Variants in AFDN observed in about 807,000 individuals in gnomAD.
The protein encoded by AFDN is afadin, adherens junction formation factor.
A neutral mutation model predicts 216.6 loss-of-function variants in AFDN; 68 were observed. The ratio of observed to expected loss-of-function variants is 0.31; its 90% confidence interval spans 0.26 to 0.38. The LOEUF is 0.38. Ranked by LOEUF, AFDN falls within the 10% of genes least tolerant of loss-of-function variation. The pLI, the probability that AFDN is intolerant of heterozygous loss-of-function variation, is 1.00. For missense variants in AFDN, 2,136 were observed against 2,342.0 expected (o/e 0.91, Z 1.82); for synonymous variants, 868 against 853.7 (o/e 1.02, Z -0.29).
intron 10 of AFDN, among the ~76,000 whole-genome samples, chr6:167,897,519 A>G (rs963216161): frequency 2.6e-5 from 4 of 152,268 alleles, no homozygotes; most frequent in South Asian, 4.2e-4. Context: ...ATCATTTTCA[A>G]TTCTACCATT....
chr6:167,897,886 C>T (rs762574972), intron 10 of AFDN, among the ~76,000 whole-genome samples: 2 of 151,988 alleles, frequency 1.3e-5, no homozygotes. Flanking sequence ...CCTCATGATC[C>T]GCCCATCTCG....
intron 29 of AFDN, among the ~76,000 whole-genome samples, chr6:167,948,946 C>T (rs1166948252): frequency 6.6e-6 from 1 of 152,110 alleles, no homozygotes; most frequent in African/African-American, 2.4e-5. Flanking sequence ...CACGGAAGGG[C>T]CTTCCAGGAG....
At chr6:167,969,670 A>G (rs1234848336) in intron 33 of AFDN, 112 bp from the exon 34 acceptor site, 16 of 1,045,888 alleles carry the variant, frequency 1.5e-5, no homozygotes, top group African/African-American at 6.5e-5. Flanking sequence ...TTATAGCACA[A>G]TTTAACAAAG....
At chr6:167,838,813 C>G (rs1780732404) in intron 1 of AFDN, among the ~76,000 whole-genome samples, 1 of 152,144 alleles carries the variant, frequency 6.6e-6, no homozygotes, top group Admixed American at 6.5e-5. Context: ...ATTTTTCTTT[C>G]ATGAATCATG....
chr6:167,828,032 G>C (rs1779389751), intron 1 of AFDN: 1 of 152,262 alleles, frequency 6.6e-6, no homozygotes, highest in Non-Finnish European at 1.5e-5. Context: ...GCTCCGTGGA[G>C]AGGGGAGGGA....
Position 167,870,392 on chromosome 6 carries a change from G to A in AFDN, c.308G>A (p.Arg103Lys). The A allele has an allele frequency of 6.3e-7, 1 of 1,588,224 alleles. No individual in the cohort carries two copies. The highest frequency in any genetic ancestry group is 1.1e-5 in the South Asian group (1 of 87,264). ...LYEVHVSGER[R>K]LDIDEKPLVV... is the part of the protein sequence containing the mutation. The stretch of plus-strand genomic sequence containing the variant: ...ATTTCATGTTTTGAAGAAGAAAGAA[G>A]ATTGGATATAGATGAGAAACCTCTA... Residue 103 changes from arginine to lysine, a missense_variant, in exon 3 of 34, where the codon AGA becomes AAA. By Grantham distance (26) the Arg-to-Lys change is conservative. Transcript: ENST00000683244.
intron 30 of AFDN, among the ~76,000 whole-genome samples, chr6:167,957,736 C>T (rs1429070125): frequency 1.3e-5 from 2 of 152,164 alleles, no homozygotes; most frequent in Admixed American, 1.3e-4. Flanking sequence ...TTAGTTAGGA[C>T]CATGGAGGTG....
At position 167,951,440 on chromosome 6, in the gene AFDN, C is replaced by T. The variant is rs112729461; in HGVS notation, c.4086C>T (p.Ala1362=). 8.1e-6 allele frequency: 13 copies of T among 1,614,126 alleles called. No individual in the cohort carries two copies. The highest frequency in any genetic ancestry group is 2.2e-5 in the South Asian group (2 of 91,078). The change falls in exon 30 of 34, where the codon GCC becomes GCT. Residue 1362 remains alanine, a synonymous_variant. Coordinates refer to ENST00000683244, the MANE Select transcript of AFDN (RefSeq NM_001386888.1). This position sits in a 1 kb window ranked among gnomAD's most constrained non-coding sequence, Gnocchi z 7.1. ...TPAAIPATPV[A]VSQPIRTDLP... Reference sequence around the variant, plus strand: ...CAGCCATACCGGCCACCCCTGTGGCCGTCTCCCAGCCAATCCGAACAGACC... The same window carrying T: ...CAGCCATACCGGCCACCCCTGTGGCTGTCTCCCAGCCAATCCGAACAGACC...
At chr6:167,967,139 TAAATG>T (rs905587005) in intron 32 of AFDN, among the ~76,000 whole-genome samples, 1 of 152,208 alleles carries the variant, frequency 6.6e-6, no homozygotes, top group Admixed American at 6.5e-5. Context: ...AATCTTACCT[TAAATG>T]AAACTGGAAT....
intron 1 of AFDN, among the ~76,000 whole-genome samples, chr6:167,857,031 A>G (rs529600141): frequency 6.6e-6 from 1 of 152,238 alleles, no homozygotes; most frequent in African/African-American, 2.4e-5. Flanking sequence ...TTTAAAAGCA[A>G]TGTTAACCTC....
intron 1 of AFDN, among the ~76,000 whole-genome samples, chr6:167,845,585 A>T (rs1033907728): frequency 6.6e-6 from 1 of 152,120 alleles, no homozygotes. Context: ...CATGTTGGTC[A>T]GACTGCTTTC....
At chr6:167,963,978 G>A in intron 31 of AFDN, 1 of 1,064,588 alleles carries the variant, frequency 9.4e-7, no homozygotes, top group Non-Finnish European at 1.1e-6. Context: ...CTATAGCTGG[G>A]CCCAGTCCTG....
chr6:167,834,431 T>A (rs1780171107), intron 1 of AFDN, among the ~76,000 whole-genome samples: 1 of 150,830 alleles, frequency 6.6e-6, no homozygotes, highest in Non-Finnish European at 1.5e-5. Context: ...TTAATTGGAA[T>A]GATTTTTGTT....
At chr6:167,968,978 C>A (rs1163659343) in intron 32 of AFDN, 136 bp from the exon 33 acceptor site, 16 of 671,258 alleles carry the variant, frequency 2.4e-5, no homozygotes, top group Non-Finnish European at 3.9e-5. Context: ...AACTTTGATA[C>A]AATATGAGGG....
intron 2 of AFDN, among the ~76,000 whole-genome samples, chr6:167,869,322 A>G (rs1007326777): frequency 2.0e-5 from 3 of 152,116 alleles, no homozygotes; most frequent in African/African-American, 7.2e-5. Context: ...CATTCCTGTA[A>G]CAGATGTTTC....
chr6:167,959,973 T>G (rs541672030), intron 30 of AFDN, among the ~76,000 whole-genome samples: 3 of 152,254 alleles, frequency 2.0e-5, no homozygotes, highest in Admixed American at 2.0e-4. Context: ...AAAGTGCTAA[T>G]CTAATAGGCA....
intron 12 of AFDN, among the ~76,000 whole-genome samples, chr6:167,903,738 A>T (rs1212729328): frequency 1.3e-5 from 2 of 152,096 alleles, no homozygotes; most frequent in African/African-American, 4.8e-5. Context: ...GGGGAAAAAA[A>T]AATCATCTAT....
intron 26 of AFDN, among the ~76,000 whole-genome samples, chr6:167,945,338 T>C (rs1795141849): frequency 6.6e-6 from 1 of 152,208 alleles, no homozygotes; most frequent in South Asian, 2.1e-4. Context: ...CATCACCTCC[T>C]GTGGTGACAA....
At chr6:167,954,427 C>CT (rs759996822) in intron 30 of AFDN, 46,427 of 1,004,440 alleles carry the variant, frequency 0.046, no homozygotes, top group South Asian at 0.058. Context: ...CTTCATCTTT[C>CT]TTTTTTTTTT....
Sources: gnomAD v4.1 joint callset for allele counts (sites outside exome capture counted in the v4.1 genomes callset) on GRCh38, gnomAD v4.1.1 for gene constraint, Gnocchi (gnomAD v3.1) non-coding constraint, MANE v1.5 for transcripts, NCBI Gene and HGNC (gene_info 2026-07-23, HGNC 2026-07-21) for gene names.